The following NCK2 variants were observed in gnomAD, a reference collection of about 807,000 sequenced individuals.
The protein encoded by NCK2 is NCK adaptor protein 2, also known as cytoplasmic protein NCK2.
Under a neutral mutation model 33.9 loss-of-function variants are expected in NCK2, and 16 were observed. The ratio of observed to expected loss-of-function variants is 0.47; its 90% CI spans 0.32 to 0.72. The LOEUF is 0.72. Ranked by LOEUF, NCK2 falls within the 30% of genes least tolerant of loss-of-function variation. The pLI is 0.03. For synonymous variants in NCK2, 273 were observed against 239.9 expected (o/e 1.14, Z -1.27); for missense variants, 418 against 537.3 (o/e 0.78, Z 2.19).
chr2:105,860,822 C>T (rs1366374822), intron 3 of NCK2, among the ~76,000 whole-genome samples: 1 of 150,370 alleles, frequency 6.7e-6, no homozygotes, highest in Non-Finnish European at 1.5e-5. Context: ...AGGATTGCCT[C>T]TCATGCTTGG....
intron 3 of NCK2, among the ~76,000 whole-genome samples, chr2:105,870,419 G>A (rs568007556): frequency 2.6e-5 from 4 of 152,248 alleles, no homozygotes; most frequent in South Asian, 2.1e-4. Flanking sequence ...TTTGAATGGC[G>A]CACAGTAGAA....
chr2:105,795,640 G>T (rs910761601), intron 1 of NCK2, among the ~76,000 whole-genome samples: 5 of 152,182 alleles, frequency 3.3e-5, no homozygotes, highest in Admixed American at 6.5e-5. Flanking sequence ...GGCAGTGTCT[G>T]CAGGCGTTGT....
intron 2 of NCK2, among the ~76,000 whole-genome samples, chr2:105,833,950 A>T (rs1001613741): frequency 2.7e-4 from 41 of 152,296 alleles, no homozygotes; most frequent in African/African-American, 9.6e-4. Context: ...GCATATATTT[A>T]TACAATTTCC....
chr2:105,769,654 A>G (rs1266689009), intron 1 of NCK2, among the ~76,000 whole-genome samples: 1 of 151,676 alleles, frequency 6.6e-6, no homozygotes, highest in Non-Finnish European at 1.5e-5. Flanking sequence ...TGGGGTAATT[A>G]GAGTCATTGG....
In NCK2 at chr2:105,893,186, G is replaced by A. The variant is rs796389038; in HGVS notation, c.*10G>A. 5.1e-6 allele frequency: 8 copies of A among 1,573,646 alleles called. No homozygotes were observed. Among genetic ancestry groups the A allele is most frequent in the African/African-American group, 4.0e-5 (3 of 74,130 alleles). On this transcript the variant is annotated 3_prime_UTR_variant, in exon 5 of 5. Coordinates refer to ENST00000233154, the MANE Select transcript of NCK2 (RefSeq NM_003581.5). The stretch of plus-strand genomic sequence containing the variant: ...CAGGGCCCTGCAGTGACGGCGCCCC[G>A]GCCCCACACTCGCCTCCCGGGCCCC...
intron 1 of NCK2, among the ~76,000 whole-genome samples, chr2:105,791,778 C>G (rs1690892424): frequency 6.6e-6 from 1 of 152,168 alleles, no homozygotes; most frequent in Non-Finnish European, 1.5e-5. Flanking sequence ...AAAAATGACG[C>G]AGCTGCTCGT....
At chr2:105,814,333 A>G (rs898470218) in intron 1 of NCK2, among the ~76,000 whole-genome samples, 7 of 152,214 alleles carry the variant, frequency 4.6e-5, no homozygotes, top group Non-Finnish European at 8.8e-5. Context: ...TTCACGTTTT[A>G]CACTTGAATC....
chr2:105,767,262 A>C (rs942652831), intron 1 of NCK2, among the ~76,000 whole-genome samples: 4 of 152,254 alleles, frequency 2.6e-5, no homozygotes, highest in Non-Finnish European at 4.4e-5. Context: ...TTTGCTGTTA[A>C]TGTAATACTG....
intron 1 of NCK2, among the ~76,000 whole-genome samples, chr2:105,792,152 C>G (rs1690907483): frequency 6.6e-6 from 1 of 152,170 alleles, no homozygotes; most frequent in Admixed American, 6.5e-5. Flanking sequence ...ATGCCCTAGG[C>G]AGGGAGGTGC....
In NCK2 at chr2:105,744,989, C is replaced by T. The variant is rs1689220545; in HGVS notation, c.-350C>T. 7.2e-6 allele frequency: 1 copy of T among 139,742 alleles called. No individual in the cohort carries two copies. Among genetic ancestry groups the T allele is most frequent in the Non-Finnish European group, 1.6e-5 (1 of 63,666 alleles). 8.7% of individuals were successfully genotyped at this position (139,742 alleles called of 1,614,324 possible). On this transcript the variant is annotated 5_prime_UTR_variant, in exon 1 of 5. Coordinates refer to ENST00000233154, the MANE Select transcript of NCK2 (RefSeq NM_003581.5). ...GCCGGGAGGCTCGCGGCGCCCGGGC[C>T]GGCAGGGTCCGCCCGGGCCGGCAGC...
Position 105,799,748 on chromosome 2 carries a change from C to T in NCK2, c.-200-16682C>T, listed in dbSNP as rs141017840. ...TGTTTTGGCATGGAGGGATGCTTCC[C>T]TCTACCTCAAGCCTAAAAGTGGTTA... On this transcript the variant is annotated intron_variant, in intron 1 of 4. Transcript: ENST00000233154. 1.5e-3 allele frequency among the ~76,000 whole-genome samples: 226 copies of T among 152,300 alleles called. 2 individuals are homozygous for T. The highest frequency in any genetic ancestry group is 5.3e-3 in the African/African-American group (220 of 41,564).
intron 2 of NCK2, among the ~76,000 whole-genome samples, chr2:105,835,386 C>CAT (rs1553458563): frequency 6.0e-3 from 34 of 5,702 alleles, no homozygotes; most frequent in South Asian, 0.048. Flanking sequence ...CATATATATA[C>CAT]ACATATATAT....
chr2:105,848,221 T>A (rs1676927461), intron 2 of NCK2, among the ~76,000 whole-genome samples: 1 of 152,208 alleles, frequency 6.6e-6, no homozygotes, highest in South Asian at 2.1e-4. Context: ...CTGACCCATC[T>A]GCAAACACAG....
chr2:105,823,151 TGTGTGTGTGTGTGTG>T (rs1675811541), intron 2 of NCK2, among the ~76,000 whole-genome samples: 1 of 150,784 alleles, frequency 6.6e-6, no homozygotes, highest in East Asian at 1.9e-4. Context: ...TGTGTGTGTG[TGTGTGTGTGTGTGTG>T]TGTGTGTCAC....
At chr2:105,859,393 C>T (rs1226194269) in intron 3 of NCK2, among the ~76,000 whole-genome samples, 1 of 152,198 alleles carries the variant, frequency 6.6e-6, no homozygotes, top group Non-Finnish European at 1.5e-5. Flanking sequence ...TGCCACCCTA[C>T]CTACCTGGGA....
chr2:105,850,867 T>G lies in NCK2; in HGVS notation c.-16-4181T>G, dbSNP rs545777513. The stretch of plus-strand genomic sequence containing the variant: ...TTGTAGAATAATGGGTCATCTGCAG[T>G]CTCTTTCTGTTCAAATCCATCCTGC... On this transcript the variant is annotated intron_variant, in intron 2 of 4. Coordinates refer to ENST00000233154, the MANE Select transcript of NCK2 (RefSeq NM_003581.5). Among the ~76,000 whole-genome samples, 13 of 152,334 alleles carry G rather than the reference T, an allele frequency of 8.5e-5. No homozygotes were observed. The East Asian group carries it at 2.5e-3, about 29-fold the overall frequency.
intron 2 of NCK2, among the ~76,000 whole-genome samples, chr2:105,818,880 C>G (rs1029545750): frequency 2.6e-5 from 4 of 152,152 alleles, no homozygotes; most frequent in Non-Finnish European, 4.4e-5. Flanking sequence ...TGTTCTTTCT[C>G]TTCGACCACC....
At position 105,893,753 on chromosome 2, in the gene NCK2, G is replaced by C. The variant is rs1679096524; in HGVS notation, c.*577G>C. ...CTTGCAATAAAGAATTTCCTGGAAA[G>C]GCAGTCTGCAAAAGAGGGAACCGGT... On this transcript the variant is annotated 3_prime_UTR_variant, in exon 5 of 5. Coordinates refer to ENST00000233154, the MANE Select transcript of NCK2 (RefSeq NM_003581.5). 1 of 152,686 alleles carries C rather than the reference G, an allele frequency of 6.5e-6. No individual in the cohort carries two copies. The highest frequency in any genetic ancestry group is 1.5e-5 in the Non-Finnish European group (1 of 68,066). 9.5% of individuals were successfully genotyped at this position (152,686 alleles called of 1,614,324 possible).
intron 1 of NCK2, among the ~76,000 whole-genome samples, chr2:105,787,545 C>G (rs1690722782): frequency 6.6e-6 from 1 of 152,204 alleles, no homozygotes; most frequent in Admixed American, 6.5e-5. Flanking sequence ...GGATCCTGGA[C>G]TTGCAGCCTC....
Sources: gnomAD v4.1 joint callset for allele counts (sites outside exome capture counted in the v4.1 genomes callset) on GRCh38, gnomAD v4.1.1 for gene constraint, MANE v1.5 for transcripts, NCBI Gene and HGNC (gene_info 2026-07-23, HGNC 2026-07-21) for gene names.